The following SOCS5 variants were observed in gnomAD, a reference collection of about 807,000 sequenced individuals.
The protein encoded by SOCS5 is suppressor of cytokine signaling 5, also known as CIS-6.
In SOCS5, 32 loss-of-function variants were observed where a neutral mutation model predicts 42.8. The observed-to-expected ratio is 0.75, with a 90% confidence interval of 0.56 to 1.01. The LOEUF is 1.01. SOCS5 is among the 50% of genes least tolerant of loss of function. The pLI is 0.00. For synonymous variants in SOCS5, 283 were observed against 229.6 expected (o/e 1.23, Z -2.10); for missense variants, 627 against 653.0 (o/e 0.96, Z 0.43).
At chr2:46,728,493 C>T (rs1673044390) in intron 1 of SOCS5, among the ~76,000 whole-genome samples, 1 of 152,096 alleles carries the variant, frequency 6.6e-6, no homozygotes, top group Non-Finnish European at 1.5e-5. Flanking sequence ...TCATTTTAGG[C>T]ATGAGGAAAT....
intron 1 of SOCS5, among the ~76,000 whole-genome samples, chr2:46,714,168 ATCT>A (rs1672688260): frequency 1.3e-5 from 2 of 152,238 alleles, no homozygotes; most frequent in East Asian, 1.9e-4. Flanking sequence ...GGTTAGTCTG[ATCT>A]TCTTATATCT....
At chr2:46,715,943 C>G (rs779473806) in intron 1 of SOCS5, among the ~76,000 whole-genome samples, 1 of 152,060 alleles carries the variant, frequency 6.6e-6, no homozygotes, top group Non-Finnish European at 1.5e-5. Context: ...TATTAACTTG[C>G]AGTTTACTGA....
At chr2:46,713,690 T>A (rs926126032) in intron 1 of SOCS5, among the ~76,000 whole-genome samples, 2 of 152,174 alleles carry the variant, frequency 1.3e-5, no homozygotes, top group Non-Finnish European at 2.9e-5. Context: ...TCCCTTCTCC[T>A]TACTTTGGGT....
rs1293125210 is a variant in SOCS5, at chr2:46,760,483, G to A, written c.*342G>A. ...ACTGAAGAACAAATTATTAATATTG[G>A]ATGAGTATTTCAACAGTGTGACTAA... On this transcript the variant is annotated 3_prime_UTR_variant, in exon 2 of 2. Coordinates refer to ENST00000394861, the MANE Select transcript of SOCS5 (RefSeq NM_144949.3). 4.7e-6 allele frequency: 1 copy of A among 211,260 alleles called. No individual in the cohort carries two copies. Among genetic ancestry groups the A allele is most frequent in the African/African-American group, 2.3e-5 (1 of 42,876 alleles). 13.1% of individuals were successfully genotyped at this position (211,260 alleles called of 1,614,324 possible).
intron 1 of SOCS5, among the ~76,000 whole-genome samples, chr2:46,706,964 C>T (rs1321347688): frequency 2.0e-5 from 3 of 152,124 alleles, no homozygotes; most frequent in South Asian, 4.1e-4. Context: ...ATAAGGATCA[C>T]GTGAGTAAGT....
At chr2:46,740,740 A>G (rs1673354792) in intron 1 of SOCS5, among the ~76,000 whole-genome samples, 1 of 151,930 alleles carries the variant, frequency 6.6e-6, no homozygotes, top group Non-Finnish European at 1.5e-5. Flanking sequence ...GCCACTGCCT[A>G]CTGCTCCTCT....
intron 1 of SOCS5, among the ~76,000 whole-genome samples, chr2:46,722,101 C>CT (rs1313771307): frequency 6.6e-6 from 1 of 151,704 alleles, no homozygotes; most frequent in Non-Finnish European, 1.5e-5. Context: ...CTTAAATTCT[C>CT]TTTTTTACAT....
rs530463944 is a variant in SOCS5 at position 46,706,088 on chromosome 2, A to G, written c.-13+6639A>G. ...TAAACATTGTTGGGCATGGTTCTGA[A>G]AACAAAAATGATGTTATATAAAAAT... On this transcript the variant is annotated intron_variant, in intron 1 of 1. Transcript: ENST00000394861. 2.6e-5 allele frequency among the ~76,000 whole-genome samples: 4 copies of G among 152,364 alleles called. No homozygotes were observed. In the South Asian group the frequency reaches 8.3e-4, roughly 32 times the overall value.
At chr2:46,735,987 C>T (rs955760929) in intron 1 of SOCS5, among the ~76,000 whole-genome samples, 2 of 151,540 alleles carry the variant, frequency 1.3e-5, no homozygotes, top group Admixed American at 1.3e-4. Flanking sequence ...TTAACCATTT[C>T]TCTCTCTCCC....
At chr2:46,723,791 G>T (rs903786817) in intron 1 of SOCS5, among the ~76,000 whole-genome samples, 5 of 151,986 alleles carry the variant, frequency 3.3e-5, no homozygotes, top group Non-Finnish European at 7.4e-5. Context: ...CAGTTTGTCT[G>T]TATCAGTGCA....
intron 1 of SOCS5, among the ~76,000 whole-genome samples, chr2:46,745,752 T>G (rs1031212122): frequency 2.6e-5 from 4 of 152,220 alleles, no homozygotes; most frequent in African/African-American, 9.7e-5. Flanking sequence ...TGCACAAATC[T>G]CTTTCGATTG....
At chr2:46,718,293 C>T (rs886642934) in intron 1 of SOCS5, among the ~76,000 whole-genome samples, 4 of 152,156 alleles carry the variant, frequency 2.6e-5, no homozygotes, top group Non-Finnish European at 4.4e-5. Context: ...CAGTTTACTC[C>T]ATCATAATTG....
At chr2:46,708,167 A>T (rs552070203) in intron 1 of SOCS5, among the ~76,000 whole-genome samples, 1 of 152,272 alleles carries the variant, frequency 6.6e-6, no homozygotes, top group East Asian at 1.9e-4. Flanking sequence ...CAAGAAAGAG[A>T]CTAATTATAT....
intron 1 of SOCS5, among the ~76,000 whole-genome samples, chr2:46,745,358 G>A (rs1054251697): frequency 6.6e-6 from 1 of 152,108 alleles, no homozygotes. Context: ...TGGAAGAATA[G>A]CATTTCTTTG....
chr2:46,724,061 G>A (rs925073412), intron 1 of SOCS5, among the ~76,000 whole-genome samples: 2 of 151,788 alleles, frequency 1.3e-5, no homozygotes, highest in African/African-American at 4.8e-5. Flanking sequence ...CTGTTCATTG[G>A]TAATATATAA....
intron 1 of SOCS5, among the ~76,000 whole-genome samples, chr2:46,739,265 G>GT (rs1201497927): frequency 6.6e-6 from 1 of 152,166 alleles, no homozygotes; most frequent in African/African-American, 2.4e-5. Context: ...GTCATAAGAT[G>GT]TAATATCTTA....
intron 1 of SOCS5, among the ~76,000 whole-genome samples, chr2:46,730,148 G>A (rs1673083793): frequency 6.6e-6 from 1 of 152,074 alleles, no homozygotes; most frequent in African/African-American, 2.4e-5. Context: ...GCACATGACT[G>A]TATATGTAAA....
rs1427955375 is a variant in SOCS5 at position 46,748,127 on chromosome 2, C to A, written c.-12-10392C>A. On this transcript the variant is annotated intron_variant, in intron 1 of 1. Coordinates refer to ENST00000394861, the MANE Select transcript of SOCS5 (RefSeq NM_144949.3). ...TGCCTTTACTTCTCCCGATACCCTT[C>A]TCAAATATCCTGCTAAAGACTAATT... 2.0e-5 allele frequency among the ~76,000 whole-genome samples: 3 copies of A among 151,814 alleles called. No homozygotes were observed. The South Asian group carries it at 6.2e-4, about 31-fold the overall frequency.
rs534750938 is a variant in SOCS5, at chr2:46,763,099, G to C, written c.*2958G>C. ...AGTTTAGCCTTGCTACTTTAGCCTT[G>C]TTTATAATACAGTCACCTTACAAAG... On this transcript the variant is annotated 3_prime_UTR_variant, in exon 2 of 2. Coordinates refer to ENST00000394861, the MANE Select transcript of SOCS5 (RefSeq NM_144949.3). 4.2e-5 allele frequency: 7 copies of C among 167,044 alleles called. No homozygotes were observed. In the East Asian group the frequency reaches 1.3e-3, roughly 32 times the overall value. 10.3% of individuals were successfully genotyped at this position (167,044 alleles called of 1,614,324 possible). A position where few individuals can be genotyped will look rare whatever the true frequency, so the allele number is the denominator to read the frequency against.
Sources: gnomAD v4.1 joint callset for allele counts (sites outside exome capture counted in the v4.1 genomes callset) on GRCh38, gnomAD v4.1.1 for gene constraint, MANE v1.5 for transcripts, NCBI Gene and HGNC (gene_info 2026-07-23, HGNC 2026-07-21) for gene names.